STK24: variants seen among roughly 807,000 people sequenced by gnomAD.
STK24 encodes the protein serine/threonine-protein kinase 24.
In STK24, 21 loss-of-function variants were observed where a neutral mutation model predicts 55.6. The observed-to-expected ratio is 0.38, with a 90% CI of 0.27 to 0.54. The LOEUF (loss-of-function observed/expected upper bound fraction) is 0.54. Among genes scored for constraint, STK24 ranks in the 20% least tolerant of loss-of-function variants. The pLI is 0.79. For missense variants in STK24, 383 were observed against 538.4 expected, an observed-to-expected ratio of 0.71 and a Z score of 2.86; for synonymous variants, 200 against 215.2, an observed-to-expected ratio of 0.93 and a Z score of 0.62.
chr13:98,469,028 C>G (rs17655129), intron 5 of STK24, among the ~76,000 whole-genome samples: 1 of 152,222 alleles, frequency 6.6e-6, no homozygotes, highest in Non-Finnish European at 1.5e-5. Context: ...GAGAGTACGT[C>G]GGTGATGCGC....
intron 2 of STK24, among the ~76,000 whole-genome samples, chr13:98,496,435 A>ACAGAAGTCCCC (rs1298692727): frequency 4.5e-4 from 69 of 152,332 alleles, no homozygotes; most frequent in African/African-American, 1.7e-3. Context: ...GAGCAAAGAA[A>ACAGAAGTCCCC]CAGAAGTCCC....
intron 2 of STK24, among the ~76,000 whole-genome samples, chr13:98,499,023 G>A (rs1895348463): frequency 6.6e-6 from 1 of 152,088 alleles, no homozygotes; most frequent in South Asian, 2.1e-4. Flanking sequence ...GAAGCGGGTG[G>A]ATCACTTGAG....
At position 98,466,457 on chromosome 13, in the gene STK24, G is replaced by T; in HGVS notation, c.702C>A (p.Asn234Lys). ...AGTTTCCTTCCAACGTCGGTGGGTTGTTCTTTGGAATGAGGAATAAAACTT... is the reference window on the plus strand; with the variant it reads ...AGTTTCCTTCCAACGTCGGTGGGTTTTTCTTTGGAATGAGGAATAAAACTT... ...PMKVLFLIPK[N>K]NPPTLEGNYS... is the part of the protein sequence containing the mutation. Residue 234 changes from asparagine to lysine, a missense_variant, in exon 6 of 11, where the codon AAC becomes AAA. Physicochemically the swap from Asn to Lys is moderately conservative, Grantham distance 94. Transcript: ENST00000539966. 1 of 1,614,052 alleles carries T rather than the reference G, an allele frequency of 6.2e-7. No homozygotes were observed. The highest frequency in any genetic ancestry group is 8.5e-7 in the Non-Finnish European group (1 of 1,180,020).
At chr13:98,535,369 AAAT>A (rs60961705) in intron 1 of STK24, among the ~76,000 whole-genome samples, 25,614 of 77,056 alleles carry the variant, frequency 0.33, 2,263 homozygotes, top group Non-Finnish European at 0.38. Flanking sequence ...AACAAAAAAA[AAAT>A]ATATATATAT....
chr13:98,565,535 G>C (rs1267852020), intron 1 of STK24, among the ~76,000 whole-genome samples: 1 of 151,812 alleles, frequency 6.6e-6, no homozygotes, highest in Non-Finnish European at 1.5e-5. Flanking sequence ...GGGAGGCTGA[G>C]GCAGGAGAAT....
chr13:98,473,355 T>C (rs951724648), intron 5 of STK24, among the ~76,000 whole-genome samples: 5 of 144,976 alleles, frequency 3.4e-5, no homozygotes, highest in Non-Finnish European at 7.6e-5. Flanking sequence ...CTACAAAGAA[T>C]GAGAAGAGAA....
At chr13:98,507,053 G>A (rs1193943634) in intron 2 of STK24, among the ~76,000 whole-genome samples, 4 of 152,226 alleles carry the variant, frequency 2.6e-5, no homozygotes, top group Admixed American at 6.5e-5. Flanking sequence ...CTCTGTAAAT[G>A]TGCAGCTGGG....
At chr13:98,571,315 G>C (rs566160628) in intron 1 of STK24, among the ~76,000 whole-genome samples, 2 of 152,232 alleles carry the variant, frequency 1.3e-5, no homozygotes, top group South Asian at 2.1e-4. Context: ...CTACGCATCA[G>C]ACCGTAGCTC....
intron 2 of STK24, among the ~76,000 whole-genome samples, chr13:98,487,845 C>T (rs1894863639): frequency 6.6e-6 from 1 of 152,110 alleles, no homozygotes; most frequent in Non-Finnish European, 1.5e-5. Context: ...GAAGGGACTC[C>T]ATCTGAATTT....
intron 5 of STK24, among the ~76,000 whole-genome samples, chr13:98,467,148 A>C (rs749390740): frequency 6.6e-5 from 10 of 152,188 alleles, no homozygotes; most frequent in Admixed American, 1.3e-4. Flanking sequence ...GTTTATTATG[A>C]AAATGTTCAA....
At position 98,445,778 on chromosome 13, in the gene STK24, C is replaced by CATCTT. The variant is rs1892792868; in HGVS notation, c.*7394_*7395insAAGAT. 6 of 226,386 alleles carry CATCTT rather than the reference C, an allele frequency of 2.7e-5. No individual in the cohort carries two copies. The highest frequency in any genetic ancestry group is 6.9e-5 in the African/African-American group (3 of 43,308). 14.0% of individuals were successfully genotyped at this position (226,386 alleles called of 1,614,324 possible). ...GGCCCACCCTACCCCAGTGTGATCT[C>CATCTT]GTCTTCACTAGTTACCCTGCAACGA... is the stretch of plus-strand genomic sequence containing the variant. On this transcript the variant is annotated 3_prime_UTR_variant, in exon 11 of 11. Transcript: ENST00000539966.
chr13:98,516,212 A>T (rs1295573014), intron 2 of STK24, among the ~76,000 whole-genome samples: 1 of 152,238 alleles, frequency 6.6e-6, no homozygotes. Flanking sequence ...GCAGTTCATG[A>T]TGTATGTAGC....
intron 1 of STK24, among the ~76,000 whole-genome samples, chr13:98,530,153 A>G (rs1896545547): frequency 6.6e-6 from 1 of 152,154 alleles, no homozygotes; most frequent in Non-Finnish European, 1.5e-5. Context: ...AGGACCAGAC[A>G]TGACAGTTTC....
At chr13:98,517,520 C>T (rs1336128428) in intron 2 of STK24, among the ~76,000 whole-genome samples, 1 of 152,150 alleles carries the variant, frequency 6.6e-6, no homozygotes, top group Non-Finnish European at 1.5e-5. Context: ...ATCCCAGCTA[C>T]TCAGGAGGCT....
At chr13:98,522,174 C>G in intron 1 of STK24, 1 of 877,228 alleles carries the variant, frequency 1.1e-6, no homozygotes, top group Non-Finnish European at 1.4e-6. Context: ...CTTTCCAGTC[C>G]TTTAGCATCC....
At chr13:98,555,961 C>A (rs577536669) in intron 1 of STK24, among the ~76,000 whole-genome samples, 1 of 150,840 alleles carries the variant, frequency 6.6e-6, no homozygotes, top group Non-Finnish European at 1.5e-5. Context: ...GGATTACAGG[C>A]GTGAGCCACC....
rs748384716 is a variant in STK24, at chr13:98,475,331, G to C, written c.358C>G (p.Gln120Glu). ...LLEPGPLDETQIATILREILK... is the reference protein window; with the variant it reads ...LLEPGPLDETEIATILREILK... Reference sequence around the variant, plus strand: ...ATTTCTCTTAATATAGTAGCGATCTGGGTTTCATCTAATGGGCCAGGTTCT... The same window carrying C: ...ATTTCTCTTAATATAGTAGCGATCTCGGTTTCATCTAATGGGCCAGGTTCT... Residue 120 changes from glutamine (Q) to glutamate (E), a missense_variant, in exon 4 of 11, where the codon CAG (glutamine) becomes GAG (glutamate). Transcript: ENST00000539966. 2 of 1,611,894 alleles carry C rather than the reference G, an allele frequency of 1.2e-6. No homozygotes were observed. Among genetic ancestry groups the C allele is most frequent in the African/African-American group, 2.7e-5 (2 of 74,800 alleles).
chr13:98,536,464 A>C (rs1016492070), intron 1 of STK24, among the ~76,000 whole-genome samples: 14 of 152,050 alleles, frequency 9.2e-5, no homozygotes, highest in Admixed American at 8.5e-4. Context: ...TCCTGGGTTC[A>C]AGTGATCCTC....
intron 1 of STK24, among the ~76,000 whole-genome samples, chr13:98,534,930 T>C (rs894690786): frequency 6.6e-6 from 1 of 152,228 alleles, no homozygotes; most frequent in Non-Finnish European, 1.5e-5. Flanking sequence ...TCTTTGTCTA[T>C]TGCAATTCCC....
Sources: gnomAD v4.1 joint callset for allele counts (sites outside exome capture counted in the v4.1 genomes callset) on GRCh38, gnomAD v4.1.1 for gene constraint, MANE v1.5 for transcripts, NCBI Gene and HGNC (gene_info 2026-07-23, HGNC 2026-07-21) for gene names.